MNAT1: variants seen among roughly 807,000 people sequenced by gnomAD.
The protein encoded by MNAT1 is CDK-activating kinase assembly factor MAT1.
Under a neutral mutation model 42.0 loss-of-function variants are expected in MNAT1, and 43 were observed. The ratio of observed to expected loss-of-function variants is 1.02; its 90% CI spans 0.80 to 1.32. The LOEUF is 1.32. MNAT1 is among the 40% of genes most tolerant of loss of function. The pLI is 0.00. For missense variants in MNAT1, 306 were observed against 350.4 expected (o/e 0.87, Z 1.01); for synonymous variants, 118 against 120.0 (o/e 0.98, Z 0.11).
intron 3 of MNAT1, among the ~76,000 whole-genome samples, chr14:60,807,716 A>G (rs1169666717): frequency 6.6e-6 from 1 of 152,146 alleles, no homozygotes; most frequent in Non-Finnish European, 1.5e-5. Flanking sequence ...GTATCTAAAC[A>G]TGTCTCAGTG....
intron 1 of MNAT1, among the ~76,000 whole-genome samples, chr14:60,759,191 A>G (rs1566754298): frequency 1.3e-5 from 2 of 152,230 alleles, no homozygotes; most frequent in Non-Finnish European, 1.5e-5. Flanking sequence ...TTAAAGAAAT[A>G]TAAGCCTGAA....
rs963327948 is a variant in MNAT1, at chr14:60,748,126, G to T, written c.89+13175G>T. ...GCAGGAGAATCCCTTGAACCTGGGA[G>T]GCAGAGGTTGCAGTGAGCTAAAATT... On this transcript the variant is annotated intron_variant, in intron 1 of 7. Transcript: ENST00000261245. Among the ~76,000 whole-genome samples, 4 of 152,084 alleles carry T rather than the reference G, an allele frequency of 2.6e-5. No individual in the cohort carries two copies. In the South Asian group the frequency reaches 8.3e-4, roughly 32 times the overall value.
At chr14:60,905,650 G>A (rs1446716933) in intron 7 of MNAT1, among the ~76,000 whole-genome samples, 36 of 152,152 alleles carry the variant, frequency 2.4e-4, no homozygotes, top group Non-Finnish European at 8.8e-5. Flanking sequence ...ACTTAGCGGG[G>A]GTGGAGGTGA....
chr14:60,789,076 A>G (rs1420213432), intron 1 of MNAT1, among the ~76,000 whole-genome samples: 2 of 151,996 alleles, frequency 1.3e-5, no homozygotes, highest in African/African-American at 4.8e-5. Context: ...CTGTCTTTTG[A>G]TTTAAAGTGA....
intron 7 of MNAT1, among the ~76,000 whole-genome samples, chr14:60,907,305 C>T (rs377071205): frequency 4.6e-5 from 7 of 151,660 alleles, no homozygotes; most frequent in South Asian, 2.1e-4. Flanking sequence ...TGGTGGCACG[C>T]GCCTGTAGTC....
chr14:60,940,872 ATAGCC>A (rs1314738061), intron 7 of MNAT1, among the ~76,000 whole-genome samples: 1 of 152,152 alleles, frequency 6.6e-6, no homozygotes, highest in Non-Finnish European at 1.5e-5. Flanking sequence ...CAAAATTAGA[ATAGCC>A]TGAGAAGCTC....
At chr14:60,779,943 C>T in intron 1 of MNAT1, 2 of 1,392,310 alleles carry the variant, frequency 1.4e-6, no homozygotes, top group Non-Finnish European at 2.0e-6. Flanking sequence ...AAAGCGCGTG[C>T]CTTTGTTTGT....
Position 60,968,293 on chromosome 14 carries a change from G to A in MNAT1, c.874G>A (p.Ala292Thr), listed in dbSNP as rs201950562. The change falls in exon 8 of 8, where the codon GCT becomes ACT. Residue 292 changes from alanine to threonine, a missense_variant. Transcript: ENST00000261245. The stretch of plus-strand genomic sequence containing the variant: ...TGCTGGAGGCTATACTTCTTCTCTT[G>A]CTTGTCACAGAGCACTACAGGATGC... ...DLAGGYTSSLACHRALQDAFS... is the reference protein window; with the variant it reads ...DLAGGYTSSLTCHRALQDAFS... The A allele has an allele frequency of 6.2e-7, 1 of 1,613,834 alleles. No homozygotes were observed. Among genetic ancestry groups the A allele is most frequent in the South Asian group, 1.1e-5 (1 of 91,076 alleles).
At chr14:60,964,623 TAGTC>T (rs1300654880) in intron 7 of MNAT1, among the ~76,000 whole-genome samples, 1 of 152,212 alleles carries the variant, frequency 6.6e-6, no homozygotes. Flanking sequence ...ATTGGCTAAA[TAGTC>T]AGAGCAATTA....
At chr14:60,944,232 C>T (rs1471232744) in intron 7 of MNAT1, among the ~76,000 whole-genome samples, 1 of 152,142 alleles carries the variant, frequency 6.6e-6, no homozygotes, top group African/African-American at 2.4e-5. Flanking sequence ...AAGGGTCAGC[C>T]AGGTGCCCTT....
intron 1 of MNAT1, among the ~76,000 whole-genome samples, chr14:60,781,211 T>A (rs79461168): frequency 2.4e-4 from 37 of 151,684 alleles, no homozygotes; most frequent in Admixed American, 9.2e-4. Flanking sequence ...CTCTTAAAAA[T>A]TTTTTTTTGT....
intron 6 of MNAT1, among the ~76,000 whole-genome samples, chr14:60,847,048 G>A (rs2033699631): frequency 6.6e-6 from 1 of 152,096 alleles, no homozygotes. Context: ...ATATCTTCAT[G>A]ATATTGACCC....
intron 1 of MNAT1, among the ~76,000 whole-genome samples, chr14:60,754,607 C>T (rs1258498688): frequency 6.6e-6 from 1 of 152,064 alleles, no homozygotes; most frequent in Non-Finnish European, 1.5e-5. Flanking sequence ...CCTCGGCCTC[C>T]CAAAGTGCTG....
Position 60,737,298 on chromosome 14 carries a change from G to A in MNAT1, c.89+2347G>A, listed in dbSNP as rs117999164. Among the ~76,000 whole-genome samples the A allele has an allele frequency of 4.6e-5, 7 of 151,946 alleles. No individual in the cohort carries two copies. In the East Asian group the frequency reaches 9.7e-4, roughly 21 times the overall value. ...TTTTAGGTTGTTTGTGTATATTTTC[G>A]GATATTTTCTATGCATATACAAACA... On this transcript the variant is annotated intron_variant, in intron 1 of 7. Transcript: ENST00000261245.
In MNAT1 at chr14:60,809,299, G is replaced by A. The variant is rs117814772; in HGVS notation, c.420+871G>A. On this transcript the variant is annotated intron_variant, in intron 4 of 7. Transcript: ENST00000261245. ...TGTATTTAGAAGAGACTTCCTCCTT[G>A]TAGTCTTATAGTGTTTTATATCAGC... is the stretch of plus-strand genomic sequence containing the variant. Among the ~76,000 whole-genome samples, 236 of 152,196 alleles carry A rather than the reference G, an allele frequency of 1.6e-3. 2 individuals are homozygous for A. The highest frequency in any genetic ancestry group is 2.7e-3 in the Non-Finnish European group (185 of 67,936).
intron 7 of MNAT1, among the ~76,000 whole-genome samples, chr14:60,889,746 A>G (rs2034787708): frequency 6.6e-6 from 1 of 152,208 alleles, no homozygotes; most frequent in South Asian, 2.1e-4. Flanking sequence ...AACTCAAACA[A>G]ATTTGCAAGA....
chr14:60,797,585 A>T (rs1306081255), intron 2 of MNAT1, among the ~76,000 whole-genome samples: 1 of 152,130 alleles, frequency 6.6e-6, no homozygotes, highest in African/African-American at 2.4e-5. Flanking sequence ...TAGTCATAAG[A>T]ATTTAAGAAT....
At chr14:60,796,162 G>A (rs1174042669) in intron 1 of MNAT1, 55 bp from the exon 2 acceptor site, 2 of 1,517,586 alleles carry the variant, frequency 1.3e-6, no homozygotes, top group Non-Finnish European at 1.8e-6. Context: ...CTATTCAGAT[G>A]TGTTGTAGAT....
chr14:60,968,733 C>A lies in MNAT1; in HGVS notation c.*384C>A, dbSNP rs911329308. 3.5e-5 allele frequency: 10 copies of A among 286,144 alleles called. No homozygotes were observed. The highest frequency in any genetic ancestry group is 5.3e-5 in the Non-Finnish European group (8 of 151,026). The allele number at this position is 286,144 out of a possible 1,614,324, so 17.7% of individuals were successfully genotyped here. A position where few individuals can be genotyped will look rare whatever the true frequency, so the allele number is the denominator to read the frequency against. ...GTTTTACTTGAACACATTTTAAATA[C>A]CATTTTGATTACAACATTTACTGTT... On this transcript the variant is annotated 3_prime_UTR_variant, in exon 8 of 8. Transcript: ENST00000261245.
Sources: gnomAD v4.1 joint callset for allele counts (sites outside exome capture counted in the v4.1 genomes callset) on GRCh38, gnomAD v4.1.1 for gene constraint, MANE v1.5 for transcripts, NCBI Gene and HGNC (gene_info 2026-07-23, HGNC 2026-07-21) for gene names.